Variants in GATA6 observed in about 807,000 individuals in gnomAD.
The protein encoded by GATA6 is transcription factor GATA-6.
Under a neutral mutation model 48.1 loss-of-function variants are expected in GATA6, and 11 were observed. The ratio of observed to expected loss-of-function variants is 0.23; its 90% CI spans 0.14 to 0.38. The LOEUF (loss-of-function observed/expected upper bound fraction) is 0.38, where lower values mean the gene tolerates loss of function less well. Ranked by LOEUF, GATA6 falls within the 10% of genes least tolerant of loss-of-function variation. GATA6 has a pLI of 1.00. For synonymous variants in GATA6, 419 were observed against 396.1 expected (o/e 1.06, Z -0.69); for missense variants, 795 against 850.3 (o/e 0.93, Z 0.81).
At chr18:22,189,440 T>C (rs1467977101) in intron 6 of GATA6, among the ~76,000 whole-genome samples, 2 of 152,224 alleles carry the variant, frequency 1.3e-5, no homozygotes, top group African/African-American at 4.8e-5. Flanking sequence ...GGGTTCTTTA[T>C]TAGCAGATTT....
rs561215151 is a variant in GATA6 at position 22,187,449 on chromosome 18, C to T, written c.1620+4406C>T. On this transcript the variant is annotated intron_variant, in intron 6 of 6. Transcript: ENST00000269216. Reference sequence around the variant, plus strand: ...GAGCTGAGATTGCACCATTGCACCCCAGCCTGGGCAACAAGAGCAAAACTC... The same window carrying T: ...GAGCTGAGATTGCACCATTGCACCCTAGCCTGGGCAACAAGAGCAAAACTC... Among the ~76,000 whole-genome samples the T allele has an allele frequency of 3.9e-5, 6 of 151,994 alleles. 1 individual carries two copies. The highest frequency in any genetic ancestry group is 2.1e-4 in the South Asian group (1 of 4,816).
chr18:22,182,854 C>T lies in GATA6; in HGVS notation c.1516+10C>T, dbSNP rs201544789. ...TCAAAGACTTGCTCTGGTAAATATA[C>T]TAAAATGACGTTTGACTGTAAAGTA... On this transcript the variant is annotated intron_variant, in intron 5 of 6. Transcript: ENST00000269216. 47 of 1,608,482 alleles carry T rather than the reference C, an allele frequency of 2.9e-5. No homozygotes were observed. Among genetic ancestry groups the T allele is most frequent in the Non-Finnish European group, 3.8e-5 (45 of 1,174,998 alleles).
intron 6 of GATA6, among the ~76,000 whole-genome samples, chr18:22,183,947 C>T (rs554170974): frequency 3.9e-5 from 6 of 152,326 alleles, no homozygotes; most frequent in African/African-American, 1.4e-4. Flanking sequence ...TGCCTATTTA[C>T]TTAGTAATTG....
chr18:22,197,693 G>A (rs192313390), intron 6 of GATA6, among the ~76,000 whole-genome samples: 4 of 152,306 alleles, frequency 2.6e-5, no homozygotes, highest in African/African-American at 9.6e-5. Flanking sequence ...CCATCCCTGA[G>A]GTGGGAAATG....
chr18:22,181,975 A>G (rs112285214), intron 4 of GATA6, among the ~76,000 whole-genome samples: 3 of 152,246 alleles, frequency 2.0e-5, no homozygotes, highest in South Asian at 2.1e-4. Flanking sequence ...TCACTAGTCT[A>G]TATCTCTTAA....
intron 3 of GATA6, 29 bp downstream of exon 3, chr18:22,177,150 C>A (rs1239545739): frequency 6.5e-7 from 1 of 1,535,232 alleles, no homozygotes; most frequent in South Asian, 1.2e-5. Flanking sequence ...GCCCCTGGCT[C>A]GCGGCCGGCC....
chr18:22,196,113 T>G (rs2033385908), intron 6 of GATA6, among the ~76,000 whole-genome samples: 1 of 152,256 alleles, frequency 6.6e-6, no homozygotes, highest in African/African-American at 2.4e-5. Flanking sequence ...ACATCAGCCT[T>G]TCTTTGCAGT....
chr18:22,189,024 G>A (rs2033296933), intron 6 of GATA6, among the ~76,000 whole-genome samples: 1 of 152,190 alleles, frequency 6.6e-6, no homozygotes, highest in African/African-American at 2.4e-5. Context: ...AGAGACTTAG[G>A]TTCCTCGCCA....
At chr18:22,187,084 G>C (rs1164557636) in intron 6 of GATA6, among the ~76,000 whole-genome samples, 1 of 152,096 alleles carries the variant, frequency 6.6e-6, no homozygotes, top group African/African-American at 2.4e-5. Flanking sequence ...TTTGATAAAT[G>C]GTTGCTTTCT....
intron 3 of GATA6, among the ~76,000 whole-genome samples, chr18:22,179,841 C>T (rs2143296670): frequency 6.6e-6 from 1 of 152,280 alleles, no homozygotes; most frequent in East Asian, 1.9e-4. Context: ...TGTTGTAGTG[C>T]TAAAAGGTTT....
intron 2 of GATA6, chr18:22,176,730 C>G (rs1214597107): frequency 3.8e-6 from 2 of 522,150 alleles, no homozygotes; most frequent in East Asian, 7.2e-5. Context: ...GGAGTCTCTA[C>G]TGGGGCGCTC....
intron 3 of GATA6, among the ~76,000 whole-genome samples, chr18:22,178,984 C>T (rs2033160998): frequency 6.6e-6 from 1 of 152,058 alleles, no homozygotes; most frequent in South Asian, 2.1e-4. Context: ...ATTTAGGTTC[C>T]AGTTGCATTA....
intron 2 of GATA6, 48 bp from the exon 3 acceptor site, chr18:22,176,907 C>G (rs1475097770): frequency 1.3e-6 from 2 of 1,512,178 alleles, no homozygotes; most frequent in Middle Eastern, 2.3e-4. Flanking sequence ...CGGGGAGGGA[C>G]GGGTCCGGCG....
intron 3 of GATA6, 39 bp downstream of exon 3, chr18:22,177,160 C>A (rs2033133265): frequency 6.6e-7 from 1 of 1,525,006 alleles, no homozygotes; most frequent in Non-Finnish European, 8.8e-7. Context: ...CGCGGCCGGC[C>A]CCGGGCTCTC....
chr18:22,171,974 G>C lies in GATA6; in HGVS notation c.830G>C (p.Arg277Pro). ...PSPPMANGAA[R>P]EPGGYAAAGS... Reference sequence around the variant, plus strand: ...CCGCCCATGGCCAACGGCGCCGCGCGGGAGCCGGGAGGCTACGCGGCGGCG... The same window carrying C: ...CCGCCCATGGCCAACGGCGCCGCGCCGGAGCCGGGAGGCTACGCGGCGGCG... The change falls in exon 2 of 7, where the codon CGG becomes CCG. Residue 277 changes from arginine to proline, a missense_variant. This residue lies in a region of GATA6 where 591 missense variants were observed against 570.0 expected (regional missense o/e 1.04). Coordinates refer to ENST00000269216, the MANE Select transcript of GATA6 (RefSeq NM_005257.6). This position sits in a 1 kb window ranked among gnomAD's most constrained non-coding sequence, Gnocchi z 7.1. 3 of 1,213,996 alleles carry C rather than the reference G, an allele frequency of 2.5e-6. No homozygotes were observed. The highest frequency in any genetic ancestry group is 3.1e-6 in the Non-Finnish European group (3 of 977,300). 75.2% of individuals were successfully genotyped at this position (1,213,996 alleles called of 1,614,324 possible). A position where few individuals can be genotyped will look rare whatever the true frequency, so the allele number is the denominator to read the frequency against.
At chr18:22,182,445 C>A (rs1468824094) in intron 4 of GATA6, among the ~76,000 whole-genome samples, 2 of 151,874 alleles carry the variant, frequency 1.3e-5, no homozygotes, top group African/African-American at 4.8e-5. Flanking sequence ...GCAACCTCCA[C>A]CTCCTGGGTT....
rs1437434660 is a variant in GATA6, at chr18:22,177,086, C to T, written c.1267C>T (p.Leu423Phe). The T allele has an allele frequency of 1.3e-6, 2 of 1,559,464 alleles. No homozygotes were observed. The highest frequency in any genetic ancestry group is 1.7e-6 in the Non-Finnish European group (2 of 1,154,030). Residue 423 changes from leucine to phenylalanine, a missense_variant, in exon 3 of 7, where the codon CTC (leucine) becomes TTC (phenylalanine). By Grantham distance (22) the Leu-to-Phe change is conservative (BLOSUM62 0). This residue lies in a region of GATA6 where 76 missense variants were observed against 113.1 expected (regional missense o/e 0.67). Coordinates refer to ENST00000269216, the MANE Select transcript of GATA6 (RefSeq NM_005257.6). ...CGGGCTCTACAGCAAGATGAACGGC[C>T]TCAGCCGGCCCCTCATCAAGCCGCA... ...ACGLYSKMNGLSRPLIKPQKR... is the reference protein window; with the variant it reads ...ACGLYSKMNGFSRPLIKPQKR...
In GATA6 at chr18:22,172,416, A is replaced by G. The variant is rs1018818745; in HGVS notation, c.1135+137A>G. ...GCGCGGAGGTCGGCCTGGTCCCAGG[A>G]AGGATTTGCAGGCCTGTGGCTGGGT... On this transcript the variant is annotated intron_variant, in intron 2 of 6. Transcript: ENST00000269216. This position sits in a 1 kb window ranked among gnomAD's most constrained non-coding sequence, Gnocchi z 5.2. 22 of 1,418,642 alleles carry G rather than the reference A, an allele frequency of 1.6e-5. No homozygotes were observed. The African/African-American group carries it at 3.0e-4, about 19-fold the overall frequency. The allele number at this position is 1,418,642 out of a possible 1,614,324, so 87.9% of individuals were successfully genotyped here. A position where few individuals can be genotyped will look rare whatever the true frequency, so the allele number is the denominator to read the frequency against.
chr18:22,201,404 G>C lies in GATA6; in HGVS notation c.*581G>C, dbSNP rs2033460961. 1 of 154,008 alleles carries C rather than the reference G, an allele frequency of 6.5e-6. No homozygotes were observed. Among genetic ancestry groups the C allele is most frequent in the Non-Finnish European group, 1.5e-5 (1 of 68,962 alleles). 9.5% of individuals were successfully genotyped at this position (154,008 alleles called of 1,614,324 possible). A position where few individuals can be genotyped will look rare whatever the true frequency, so the allele number is the denominator to read the frequency against. ...GTTCATATTGTGTGGCTGATCTGAA[G>C]TCAGTCGGAATTTGTAAACAGGGTA... On this transcript the variant is annotated 3_prime_UTR_variant, in exon 7 of 7. Coordinates refer to ENST00000269216, the MANE Select transcript of GATA6 (RefSeq NM_005257.6).
Sources: gnomAD v4.1 joint callset for allele counts (sites outside exome capture counted in the v4.1 genomes callset) on GRCh38, gnomAD v4.1.1 for gene constraint, gnomAD v4.1.1 regional missense constraint, Gnocchi (gnomAD v3.1) non-coding constraint, MANE v1.5 for transcripts, NCBI Gene and HGNC (gene_info 2026-07-23, HGNC 2026-07-21) for gene names.